The following PIK3C2G variants were observed in gnomAD, a reference collection of about 807,000 sequenced individuals.
PIK3C2G encodes phosphatidylinositol 3-kinase C2 domain-containing subunit gamma.
A neutral mutation model predicts 181.1 loss-of-function variants in PIK3C2G; 168 were observed. That is an observed-to-expected ratio of 0.93 (90% CI 0.82 to 1.05). PIK3C2G has a LOEUF of 1.05. PIK3C2G is among the 50% of genes least tolerant of loss of function. The pLI is 0.00. For synonymous variants in PIK3C2G, 573 were observed against 592.2 expected (o/e 0.97, Z 0.47); for missense variants, 1,869 against 1,732.8 (o/e 1.08, Z -1.40).
chr12:18,487,515 A>C (rs926318605), intron 18 of PIK3C2G, among the ~76,000 whole-genome samples: 2 of 152,140 alleles, frequency 1.3e-5, no homozygotes, highest in African/African-American at 4.8e-5. Context: ...ACTAAAGACC[A>C]GTTAAGATTA....
intron 16 of PIK3C2G, among the ~76,000 whole-genome samples, chr12:18,415,645 G>C (rs1448202712): frequency 1.3e-5 from 2 of 152,212 alleles, no homozygotes; most frequent in Admixed American, 6.5e-5. Flanking sequence ...TGAAAGCTTA[G>C]ATAGGCTAAA....
intron 29 of PIK3C2G, among the ~76,000 whole-genome samples, chr12:18,573,154 G>A (rs1031007047): frequency 1.3e-5 from 2 of 152,036 alleles, no homozygotes; most frequent in African/African-American, 2.4e-5. Flanking sequence ...ATATTATACT[G>A]CAATATCCTT....
At chr12:18,243,191 T>C (rs913017176), upstream of PIK3C2G, among the ~76,000 whole-genome samples, 4 of 107,550 alleles carry the variant, frequency 3.7e-5, no homozygotes, top group African/African-American at 1.5e-4. Context: ...CTATAAAGTC[T>C]TTCTGTGTGT....
At chr12:18,715,488 G>A in the PIK3C2G span, among the ~76,000 whole-genome samples, 7 of 151,126 alleles carry the variant, frequency 4.6e-5, no homozygotes, top group South Asian at 1.3e-3. Context: ...TGCAAGCTCC[G>A]CCTCCCGGGT....
At chr12:18,599,949 AT>A (rs1265089241) in intron 30 of PIK3C2G, among the ~76,000 whole-genome samples, 1 of 151,990 alleles carries the variant, frequency 6.6e-6, no homozygotes, top group East Asian at 1.9e-4. Context: ...TAAAGCAGAA[AT>A]TATTGAACAC....
At chr12:18,554,007 A>G (rs1180314541) in intron 26 of PIK3C2G, among the ~76,000 whole-genome samples, 1 of 152,112 alleles carries the variant, frequency 6.6e-6, no homozygotes, top group African/African-American at 2.4e-5. Flanking sequence ...TTTTATAAAT[A>G]CAGCAATTGA....
At chr12:18,564,405 T>C (rs574026722) in intron 28 of PIK3C2G, among the ~76,000 whole-genome samples, 2 of 151,258 alleles carry the variant, frequency 1.3e-5, no homozygotes, top group East Asian at 3.9e-4. Flanking sequence ...TGTAATTGTT[T>C]ATACTTTACC....
At chr12:18,600,104 T>A (rs1478338118) in intron 30 of PIK3C2G, among the ~76,000 whole-genome samples, 2 of 151,888 alleles carry the variant, frequency 1.3e-5, no homozygotes, top group Non-Finnish European at 1.5e-5. Context: ...TGAAAAAAAA[T>A]GTATCTTCTC....
Position 18,391,138 on chromosome 12 carries a change from C to A in PIK3C2G, c.2012C>A (p.Thr671Asn). ...TTCTTTCAGATTGATTTTCCAGCTA[C>A]TGGGTGGGAGTATATGAAACCTGAT... ...PVTLQIDFPA[T>N]GWEYMKPDSE... Residue 671 changes from threonine (T) to asparagine (N), a missense_variant, in exon 15 of 33, where the codon ACT becomes AAT. Coordinates refer to ENST00000538779, the MANE Select transcript of PIK3C2G (RefSeq NM_001288772.2). 1 of 1,596,832 alleles carries A rather than the reference C, an allele frequency of 6.3e-7. No homozygotes were observed. Among genetic ancestry groups the A allele is most frequent in the South Asian group, 1.1e-5 (1 of 87,098 alleles).
chr12:18,539,481 A>G (rs952699851), intron 25 of PIK3C2G, among the ~76,000 whole-genome samples: 2 of 151,880 alleles, frequency 1.3e-5, no homozygotes, highest in African/African-American at 4.8e-5. Flanking sequence ...CCACTGTCCA[A>G]TGTAATATCC....
chr12:18,636,776 C>G (rs947770308), intron 31 of PIK3C2G, among the ~76,000 whole-genome samples: 26 of 152,140 alleles, frequency 1.7e-4, no homozygotes, highest in Admixed American at 1.3e-3. Flanking sequence ...CTGTGTCTTT[C>G]AAGTCCTTGA....
chr12:18,572,325 G>A (rs994804970), intron 29 of PIK3C2G, among the ~76,000 whole-genome samples: 8 of 145,792 alleles, frequency 5.5e-5, no homozygotes, highest in African/African-American at 1.7e-4. Flanking sequence ...TATATCATAC[G>A]GCCTTATTGT....
rs1950243472 is a variant in PIK3C2G at position 18,648,032 on chromosome 12, T to C, written c.*4T>C. 1.9e-6 allele frequency: 3 copies of C among 1,578,228 alleles called. No homozygotes were observed. Among genetic ancestry groups the C allele is most frequent in the African/African-American group, 1.4e-5 (1 of 73,572 alleles). Reference sequence around the variant, plus strand: ...ATTAGGAAACAGTATAATTTGACCATTGCTATGAACATATGCATTATTCAT... The same window carrying C: ...ATTAGGAAACAGTATAATTTGACCACTGCTATGAACATATGCATTATTCAT... On this transcript the variant is annotated 3_prime_UTR_variant, in exon 33 of 33. Coordinates refer to ENST00000538779, the MANE Select transcript of PIK3C2G (RefSeq NM_001288772.2).
At chr12:18,323,948 C>T (rs1029555205) in intron 7 of PIK3C2G, among the ~76,000 whole-genome samples, 7 of 151,764 alleles carry the variant, frequency 4.6e-5, no homozygotes, top group African/African-American at 1.2e-4. Context: ...TGGCCGGGCG[C>T]GGTGGCTCAC....
intron 7 of PIK3C2G, among the ~76,000 whole-genome samples, chr12:18,324,655 G>A (rs1032647460): frequency 6.6e-6 from 1 of 152,078 alleles, no homozygotes; most frequent in Non-Finnish European, 1.5e-5. Context: ...AATTCCAAAT[G>A]CAATTCTCTA....
intron 18 of PIK3C2G, among the ~76,000 whole-genome samples, chr12:18,429,634 T>A (rs1347952351): frequency 6.6e-6 from 1 of 152,158 alleles, no homozygotes; most frequent in African/African-American, 2.4e-5. Flanking sequence ...ACAGCAATCA[T>A]GTCACACTCT....
chr12:18,599,230 A>G (rs979665090), intron 30 of PIK3C2G, among the ~76,000 whole-genome samples: 1 of 152,246 alleles, frequency 6.6e-6, no homozygotes, highest in Non-Finnish European at 1.5e-5. Flanking sequence ...TCACAATAGC[A>G]AAGACTTGGA....
intron 31 of PIK3C2G, among the ~76,000 whole-genome samples, chr12:18,616,063 A>G (rs1360170632): frequency 1.3e-5 from 2 of 151,980 alleles, no homozygotes; most frequent in East Asian, 1.9e-4. Flanking sequence ...TACTGTTTAT[A>G]TCCAATGTAA....
At chr12:18,325,812 T>A (rs1196207902) in intron 8 of PIK3C2G, among the ~76,000 whole-genome samples, 2 of 151,686 alleles carry the variant, frequency 1.3e-5, no homozygotes, top group African/African-American at 4.8e-5. Context: ...TGTTCAAAGT[T>A]AGAGGCTGGA....
Sources: gnomAD v4.1 joint callset for allele counts (sites outside exome capture counted in the v4.1 genomes callset) on GRCh38, gnomAD v4.1.1 for gene constraint, MANE v1.5 for transcripts, NCBI Gene and HGNC (gene_info 2026-07-23, HGNC 2026-07-21) for gene names.